Variants in MFHAS1 observed in about 807,000 individuals in gnomAD.
MFHAS1 encodes the protein malignant fibrous histiocytoma-amplified sequence 1.
A neutral mutation model predicts 70.4 loss-of-function variants in MFHAS1; 50 were observed. The ratio of observed to expected loss-of-function variants is 0.71; its 90% CI spans 0.57 to 0.90. The LOEUF (loss-of-function observed/expected upper bound fraction) is 0.90. Ranked by LOEUF, MFHAS1 falls within the 40% of genes least tolerant of loss-of-function variation. The probability of loss-of-function intolerance (pLI) is 0.00; values close to 1 mark genes in which losing one functional copy is unlikely to be tolerated. For missense variants in MFHAS1, 1,795 were observed against 1,347.6 expected, an observed-to-expected ratio of 1.33 and a Z score of -5.20; for synonymous variants, 952 against 620.0, an observed-to-expected ratio of 1.54 and a Z score of -7.96.
chr8:8,817,414 A>T (rs1384059088), intron 1 of MFHAS1, among the ~76,000 whole-genome samples: 1 of 152,248 alleles, frequency 6.6e-6, no homozygotes, highest in Non-Finnish European at 1.5e-5. Flanking sequence ...CAACCTACAC[A>T]TACTTGACTT....
At chr8:8,827,424 G>A (rs1367791077) in intron 1 of MFHAS1, among the ~76,000 whole-genome samples, 1 of 152,182 alleles carries the variant, frequency 6.6e-6, no homozygotes. Context: ...CACCAGCAAG[G>A]TGGGTATTAT....
Position 8,891,687 on chromosome 8 carries a change from T to C in MFHAS1, c.1372A>G (p.Ile458Val), listed in dbSNP as rs1363799206. ...TCGGCCGTCCAGCTGGTCACCTCGA[T>C]GCCCTTGCTCACAGGGGGAGGTGAC... ...PPSPPPVSKG[I>V]EVTSWTADAS... is the part of the protein sequence containing the mutation. Residue 458 changes from isoleucine (I) to valine (V), a missense_variant, in exon 1 of 3, where the codon ATC becomes GTC. By Grantham distance (29) the Ile-to-Val change is conservative. Coordinates refer to ENST00000276282, the MANE Select transcript of MFHAS1 (RefSeq NM_004225.3). This position sits in a 1 kb window ranked among gnomAD's most constrained non-coding sequence, Gnocchi z 5.4. The C allele has an allele frequency of 1.2e-6, 2 of 1,613,554 alleles. No homozygotes were observed. The highest frequency in any genetic ancestry group is 1.1e-5 in the South Asian group (1 of 91,088).
At chr8:8,888,054 T>C (rs541569105) in intron 1 of MFHAS1, among the ~76,000 whole-genome samples, 29 of 152,328 alleles carry the variant, frequency 1.9e-4, no homozygotes, top group African/African-American at 7.0e-4. Context: ...AGTCACTTTA[T>C]TCCATTTGGT....
intron 1 of MFHAS1, among the ~76,000 whole-genome samples, chr8:8,850,006 A>T (rs1378840937): frequency 6.6e-6 from 1 of 152,238 alleles, no homozygotes; most frequent in Non-Finnish European, 1.5e-5. Context: ...AGCCTCAGAG[A>T]GAGTTTGAAA....
At chr8:8,830,268 ATAAAC>A (rs1202931422) in intron 1 of MFHAS1, among the ~76,000 whole-genome samples, 3 of 152,212 alleles carry the variant, frequency 2.0e-5, no homozygotes, top group Admixed American at 6.5e-5. Context: ...AACTCCTAAA[ATAAAC>A]TAGAGTCTGG....
chr8:8,841,019 T>C (rs1807801571), intron 1 of MFHAS1, among the ~76,000 whole-genome samples: 1 of 152,224 alleles, frequency 6.6e-6, no homozygotes, highest in Admixed American at 6.5e-5. Context: ...ATGTAATATT[T>C]TAAATGTCTT....
At chr8:8,857,462 T>C (rs981318037) in intron 1 of MFHAS1, among the ~76,000 whole-genome samples, 17 of 152,124 alleles carry the variant, frequency 1.1e-4, no homozygotes, top group Admixed American at 5.2e-4. Context: ...AGAATTCTAA[T>C]TAAAAATGAG....
intron 2 of MFHAS1, chr8:8,790,280 G>T: frequency 1.5e-6 from 1 of 680,620 alleles, no homozygotes; most frequent in Non-Finnish European, 1.8e-6. Context: ...CCTCAAGAGG[G>T]CCTTACCTAT....
intron 1 of MFHAS1, among the ~76,000 whole-genome samples, chr8:8,824,831 C>A (rs1392570395): frequency 6.6e-6 from 1 of 152,186 alleles, no homozygotes; most frequent in Non-Finnish European, 1.5e-5. Flanking sequence ...GGAGGCAAGG[C>A]CCCAAGGAAC....
chr8:8,888,116 TA>T (rs1397675704), intron 1 of MFHAS1, among the ~76,000 whole-genome samples: 1 of 152,164 alleles, frequency 6.6e-6, no homozygotes, highest in Non-Finnish European at 1.5e-5. Flanking sequence ...ATGACAAATA[TA>T]AAACAAACTG....
rs1233181018 is a variant in MFHAS1 at position 8,783,697 on chromosome 8, C to A, written c.*2325G>T. On this transcript the variant is annotated 3_prime_UTR_variant, in exon 3 of 3. Transcript: ENST00000276282. ...GGGCATTTGTTTGAGAGGCAAGGGA[C>A]GCCTTGCTTAGAAAACATTCCTCTT... 4 of 152,160 alleles carry A rather than the reference C, an allele frequency of 2.6e-5. No homozygotes were observed. Among genetic ancestry groups the A allele is most frequent in the Non-Finnish European group, 5.9e-5 (4 of 68,028 alleles). The allele number at this position is 152,160 out of a possible 1,614,324, so 9.4% of individuals were successfully genotyped here. A position where few individuals can be genotyped will look rare whatever the true frequency, so the allele number is the denominator to read the frequency against.
intron 1 of MFHAS1, among the ~76,000 whole-genome samples, chr8:8,833,487 G>T (rs1807485858): frequency 6.6e-6 from 1 of 152,054 alleles, no homozygotes. Context: ...AAATTAGCCA[G>T]GCGTGGTGGT....
At chr8:8,787,126 G>T (rs1417021961) in intron 2 of MFHAS1, among the ~76,000 whole-genome samples, 2 of 150,748 alleles carry the variant, frequency 1.3e-5, no homozygotes, top group Non-Finnish European at 2.9e-5. Context: ...TGTTGCCCAG[G>T]CTGGAGTGCA....
chr8:8,797,091 G>A (rs1805929415), intron 2 of MFHAS1, among the ~76,000 whole-genome samples: 1 of 151,088 alleles, frequency 6.6e-6, no homozygotes, highest in Non-Finnish European at 1.5e-5. Context: ...GTGAACTGTG[G>A]TATGTGAATG....
chr8:8,859,596 A>C (rs967834099), intron 1 of MFHAS1, among the ~76,000 whole-genome samples: 4 of 152,204 alleles, frequency 2.6e-5, no homozygotes, highest in African/African-American at 9.6e-5. Context: ...TAACATGACA[A>C]GGATGAAGAC....
intron 1 of MFHAS1, among the ~76,000 whole-genome samples, chr8:8,865,612 A>G (rs1365439432): frequency 6.6e-6 from 1 of 152,200 alleles, no homozygotes; most frequent in African/African-American, 2.4e-5. Context: ...CATTTTAGAA[A>G]ATGGCTGTTA....
intron 1 of MFHAS1, among the ~76,000 whole-genome samples, chr8:8,801,436 T>C (rs1349437467): frequency 1.3e-5 from 2 of 152,144 alleles, no homozygotes; most frequent in African/African-American, 4.8e-5. Context: ...TAACAAATAC[T>C]GAGCAGCAAG....
intron 1 of MFHAS1, among the ~76,000 whole-genome samples, chr8:8,845,376 A>G (rs1807994289): frequency 6.6e-6 from 1 of 152,242 alleles, no homozygotes; most frequent in Non-Finnish European, 1.5e-5. Context: ...ATTCCTTTTC[A>G]GTAATATTAG....
chr8:8,791,218 C>T (rs1397621511), intron 2 of MFHAS1, among the ~76,000 whole-genome samples: 1 of 151,246 alleles, frequency 6.6e-6, no homozygotes, highest in African/African-American at 2.4e-5. Context: ...CCCACCATTC[C>T]CCACATATCG....
Sources: allele counts gnomAD v4.1 joint callset (sites outside exome capture counted in the v4.1 genomes callset), GRCh38; gene constraint gnomAD v4.1.1; non-coding constraint Gnocchi (gnomAD v3.1); transcripts MANE v1.5; gene names NCBI Gene and HGNC (gene_info 2026-07-23, HGNC 2026-07-21).